Variants in STAMBP observed in about 807,000 individuals in gnomAD.
STAMBP encodes the protein STAM-binding protein.
In STAMBP, 31 loss-of-function variants were observed where a neutral mutation model predicts 50.7. That is an observed-to-expected ratio of 0.61 (90% CI 0.46 to 0.83). STAMBP has a LOEUF of 0.83. Among genes scored for constraint, STAMBP ranks in the 40% least tolerant of loss-of-function variants. The pLI, the probability that STAMBP is intolerant of heterozygous loss-of-function variation, is 0.00. For missense variants in STAMBP, 472 were observed against 518.9 expected (o/e 0.91, Z 0.88); for synonymous variants, 211 against 192.4 (o/e 1.10, Z -0.80).
chr2:73,839,734 T>C (rs1343748283), intron 2 of STAMBP, among the ~76,000 whole-genome samples: 1 of 152,252 alleles, frequency 6.6e-6, no homozygotes, highest in East Asian at 1.9e-4. Flanking sequence ...GTGGCCACTA[T>C]TGTATTTCTG....
chr2:73,845,081 G>A (rs1399732503), intron 3 of STAMBP, 86 bp from the exon 4 acceptor site: 5 of 1,576,606 alleles, frequency 3.2e-6, no homozygotes, highest in Non-Finnish European at 3.5e-6. Context: ...GGGAAATGTT[G>A]CAGTCACCAA....
At position 73,850,528 on chromosome 2, in the gene STAMBP, G is replaced by A. The variant is rs546643899; in HGVS notation, c.1005+15G>A. The A allele has an allele frequency of 1.9e-6, 3 of 1,610,822 alleles. No individual in the cohort carries two copies. The South Asian group carries it at 3.3e-5, about 18-fold the overall frequency. On this transcript the variant is annotated intron_variant, in intron 7 of 9. Coordinates refer to ENST00000394070, the MANE Select transcript of STAMBP (RefSeq NM_213622.4). The surrounding 1 kb of genome is among the most constrained non-coding windows in gnomAD (Gnocchi z 4.3). ...GCTGGATTCATGTAAGCAATTCTGA[G>A]CTGTCCGAGAGTTAGTCTCTGCCTC... is the stretch of plus-strand genomic sequence containing the variant.
At chr2:73,860,472 C>A in intron 9 of STAMBP, 1 of 712,022 alleles carries the variant, frequency 1.4e-6, no homozygotes, top group Non-Finnish European at 1.8e-6. Flanking sequence ...GCAGGAAGTA[C>A]GTAATGCAGT....
At chr2:73,845,317 G>A in intron 4 of STAMBP, 55 bp downstream of exon 4, 1 of 1,221,438 alleles carries the variant, frequency 8.2e-7, no homozygotes, top group Non-Finnish European at 1.2e-6. Context: ...GCTGTGCCCT[G>A]GGATTGTAAT....
chr2:73,844,184 GA>G (rs1244148342), intron 2 of STAMBP, among the ~76,000 whole-genome samples: 1 of 152,204 alleles, frequency 6.6e-6, no homozygotes, highest in East Asian at 1.9e-4. Flanking sequence ...ACCAAAAGAT[GA>G]AATCTAGCAT....
downstream of STAMBP, among the ~76,000 whole-genome samples, chr2:73,867,815 G>A (rs2104754907): frequency 6.6e-6 from 1 of 152,154 alleles, no homozygotes; most frequent in East Asian, 1.9e-4. Flanking sequence ...AAACCAGGGG[G>A]AAAGAAATAA....
At position 73,862,212 on chromosome 2, in the gene STAMBP, C is replaced by A. The variant is rs1474427805; in HGVS notation, c.1228C>A (p.His410Asn). ...TTTTTTCCTATTGCAGAGCTGCAGCCACGTGACTGTTGTGGACAGAGCAGT... is the reference window on the plus strand; with the variant it reads ...TTTTTTCCTATTGCAGAGCTGCAGCAACGTGACTGTTGTGGACAGAGCAGT... ...KDPPLFCSCS[H>N]VTVVDRAVTI... The change falls in exon 10 of 10, where the codon CAC becomes AAC. Residue 410 changes from histidine to asparagine, a missense_variant. Transcript: ENST00000394070. 1 of 1,607,148 alleles carries A rather than the reference C, an allele frequency of 6.2e-7. No individual in the cohort carries two copies. Among genetic ancestry groups the A allele is most frequent in the African/African-American group, 1.3e-5 (1 of 74,368 alleles).
intron 2 of STAMBP, among the ~76,000 whole-genome samples, chr2:73,837,584 C>CAAAAAAAAAA (rs56397494): frequency 4.9e-5 from 2 of 40,884 alleles, no homozygotes; most frequent in African/African-American, 8.0e-5. Context: ...GACTCCATCT[C>CAAAAAAAAAA]AAAAAAAAAA....
chr2:73,858,013 C>T (rs566295721), intron 7 of STAMBP, among the ~76,000 whole-genome samples: 7 of 151,754 alleles, frequency 4.6e-5, no homozygotes, highest in South Asian at 2.1e-4. Context: ...GATGGAGTCT[C>T]GCTCTGTCAC....
chr2:73,847,648 G>C lies in STAMBP; in HGVS notation c.637G>C (p.Val213Leu). The C allele has an allele frequency of 6.2e-7, 1 of 1,614,220 alleles. No individual in the cohort carries two copies. The highest frequency in any genetic ancestry group is 8.5e-7 in the Non-Finnish European group (1 of 1,180,034). The change falls in exon 5 of 10, where the codon GTC (valine) becomes CTC (leucine). Residue 213 changes from valine to leucine, a missense_variant. Val to Leu is a conservative substitution (Grantham distance 32). Transcript: ENST00000394070. The stretch of plus-strand genomic sequence containing the variant: ...CTTAGATGTGTTCCCCACCTTAACA[G>C]TCTCATCCATACAGCCTTCAGACTG... ...PSLDVFPTLTVSSIQPSDCHT... is the reference protein window; with the variant it reads ...PSLDVFPTLTLSSIQPSDCHT...
At chr2:73,859,138 T>C in intron 7 of STAMBP, 116 bp from the exon 8 acceptor site, 2 of 733,160 alleles carry the variant, frequency 2.7e-6, no homozygotes, top group South Asian at 3.3e-5. Context: ...TCGTATGTAA[T>C]ATTTTCAGAT....
At chr2:73,851,963 TG>T (rs1434334745) in intron 7 of STAMBP, among the ~76,000 whole-genome samples, 1 of 152,200 alleles carries the variant, frequency 6.6e-6, no homozygotes, top group Non-Finnish European at 1.5e-5. Context: ...TGTAGTACAT[TG>T]GAGCCGAGTT....
Position 73,830,890 on chromosome 2 carries a change from G to A in STAMBP, c.34G>A (p.Glu12Lys), listed in dbSNP as rs375857232. 6.8e-6 allele frequency: 11 copies of A among 1,613,564 alleles called. No individual in the cohort carries two copies. The highest frequency in any genetic ancestry group is 5.3e-5 in the African/African-American group (4 of 74,918). ...CCATGGAGATGTGAGCCTCCCGCCC[G>A]AAGACCGGGTGAGGGCTCTCTCCCA... ...SDHGDVSLPP[E>K]DRVRALSQLG... Residue 12 changes from glutamate (E) to lysine (K), a missense_variant, in exon 2 of 10, where the codon GAA becomes AAA. Coordinates refer to ENST00000394070, the MANE Select transcript of STAMBP (RefSeq NM_213622.4).
chr2:73,860,848 G>C lies in STAMBP; in HGVS notation c.1218+697G>C, dbSNP rs1678247052. On this transcript the variant is annotated intron_variant, in intron 9 of 9. Coordinates refer to ENST00000394070, the MANE Select transcript of STAMBP (RefSeq NM_213622.4). Reference sequence around the variant, plus strand: ...GACTAAGAACCTTGACACTTAAAAGGACCTGGAGATGCTTAGAAGAGAAAC... The same window carrying C: ...GACTAAGAACCTTGACACTTAAAAGCACCTGGAGATGCTTAGAAGAGAAAC... Among the ~76,000 whole-genome samples the C allele has an allele frequency of 1.3e-5, 2 of 152,184 alleles. 1 individual carries two copies. The highest frequency in any genetic ancestry group is 4.1e-4 in the South Asian group (2 of 4,826).
chr2:73,871,132 T>C (rs1679181520), downstream of STAMBP, among the ~76,000 whole-genome samples: 1 of 152,102 alleles, frequency 6.6e-6, no homozygotes, highest in African/African-American at 2.4e-5. Flanking sequence ...ACACAAATAT[T>C]TTGGTTCTCA....
chr2:73,847,068 T>A (rs1676189125), intron 4 of STAMBP, among the ~76,000 whole-genome samples: 2 of 135,340 alleles, frequency 1.5e-5, no homozygotes, highest in African/African-American at 5.8e-5. Flanking sequence ...GGAAACAGAA[T>A]GAGACCCTGT....
Position 73,850,441 on chromosome 2 carries a change from C to T in STAMBP, c.933C>T (p.Cys311=). Residue 311 remains cysteine, a synonymous_variant, in exon 7 of 10, where the codon TGC becomes TGT. Transcript: ENST00000394070. This position sits in a 1 kb window ranked among gnomAD's most constrained non-coding sequence, Gnocchi z 4.3. ...IPKQSAGSDY[C]NTENEEELFL... is the part of the protein sequence containing the mutation. Reference sequence around the variant, plus strand: ...AGCAAAGTGCTGGGTCTGATTACTGCAACACAGAGAACGAAGAAGAACTTT... The same window carrying T: ...AGCAAAGTGCTGGGTCTGATTACTGTAACACAGAGAACGAAGAAGAACTTT... 6.2e-7 allele frequency: 1 copy of T among 1,613,902 alleles called. No homozygotes were observed. The highest frequency in any genetic ancestry group is 8.5e-7 in the Non-Finnish European group (1 of 1,179,940).
intron 2 of STAMBP, among the ~76,000 whole-genome samples, chr2:73,833,666 T>C (rs551584672): frequency 1.1e-4 from 16 of 152,288 alleles, no homozygotes; most frequent in African/African-American, 3.4e-4. Flanking sequence ...TGAAGGGCCT[T>C]CAGAATCCTA....
chr2:73,847,891 G>A, intron 5 of STAMBP, 138 bp downstream of exon 5: 1 of 1,164,754 alleles, frequency 8.6e-7, no homozygotes, highest in South Asian at 1.5e-5. Context: ...AAGTATTGCT[G>A]TACTGTGTCC....
Sources: gnomAD v4.1 joint callset for allele counts (sites outside exome capture counted in the v4.1 genomes callset) on GRCh38, gnomAD v4.1.1 for gene constraint, Gnocchi (gnomAD v3.1) non-coding constraint, MANE v1.5 for transcripts, NCBI Gene and HGNC (gene_info 2026-07-23, HGNC 2026-07-21) for gene names.